GLI2: variants seen among roughly 807,000 people sequenced by gnomAD.
GLI2 encodes the protein transcription activator GLI2.
GLI2 carries 22 observed loss-of-function variants against 78.9 expected under a neutral mutation model. That is an observed-to-expected ratio of 0.28 (90% CI 0.20 to 0.40). The LOEUF is 0.40. Ranked by LOEUF, GLI2 falls within the 10% of genes least tolerant of loss-of-function variation. The pLI, the probability that GLI2 is intolerant of heterozygous loss-of-function variation, is 1.00. For synonymous variants in GLI2, 974 were observed against 963.7 expected (o/e 1.01, Z -0.20); for missense variants, 2,097 against 2,213.2 (o/e 0.95, Z 1.05).
chr2:120,775,638 G>A (rs138441890), intron 1 of GLI2, among the ~76,000 whole-genome samples: 125 of 152,322 alleles, frequency 8.2e-4, no homozygotes, highest in African/African-American at 2.7e-3. Flanking sequence ...GGTTTGCTTA[G>A]TTAGGGAATG....
Position 120,982,798 on chromosome 2 carries a change from T to TGTGTG in GLI2, c.1551_1555dup (p.Glu519GlyfsTer52). 6.2e-7 allele frequency: 1 copy of TGTGTG among 1,614,150 alleles called. No homozygotes were observed. The highest frequency in any genetic ancestry group is 8.5e-7 in the Non-Finnish European group (1 of 1,179,996). Reference sequence around the variant, plus strand: ...TCCCACACCGGGGAGAAGCCATATGTGTGTGAGCACGAGGGCTGCAACAAA... The same window carrying TGTGTG: ...TCCCACACCGGGGAGAAGCCATATGTGTGTGGTGTGAGCACGAGGGCTGCAACAAA... On this transcript the variant is annotated frameshift_variant, in exon 11 of 14. Coordinates refer to ENST00000361492, the MANE Select transcript of GLI2 (RefSeq NM_001374353.1). LOFTEE classifies it high-confidence loss of function.
intron 2 of GLI2, among the ~76,000 whole-genome samples, chr2:120,865,636 C>T (rs773367503): frequency 6.6e-6 from 1 of 152,228 alleles, no homozygotes; most frequent in Non-Finnish European, 1.5e-5. Context: ...GGACAAACCT[C>T]TGATCCCTTT....
chr2:120,789,537 G>A (rs142887226), intron 1 of GLI2, among the ~76,000 whole-genome samples: 7 of 152,286 alleles, frequency 4.6e-5, no homozygotes, highest in Admixed American at 3.9e-4. Flanking sequence ...ACCTCCTCAG[G>A]TAGCCCGCCC....
chr2:120,966,515 G>A (rs1488374819), intron 5 of GLI2, among the ~76,000 whole-genome samples: 1 of 151,798 alleles, frequency 6.6e-6, no homozygotes, highest in African/African-American at 2.4e-5. Context: ...GAAAGAGGCT[G>A]TTAGGAGAGA....
chr2:120,833,312 C>T (rs1433640369), intron 2 of GLI2, among the ~76,000 whole-genome samples: 1 of 151,888 alleles, frequency 6.6e-6, no homozygotes, highest in African/African-American at 2.4e-5. Context: ...GGGCTGTAAC[C>T]CCAGAAACAT....
In GLI2 at chr2:120,988,251, C is replaced by G. The variant is rs1316504739; in HGVS notation, c.2286C>G (p.Pro762=). ...ENFSGSGGGG[P]AGLLPNPRLS... The stretch of plus-strand genomic sequence containing the variant: ...TCAGTGGCAGTGGGGGCGGCGGGCC[C>G]GCGGGGCTGCTGCCGAACCCGCGGC... The change falls in exon 14 of 14, where the codon CCC becomes CCG. Residue 762 remains proline, a synonymous_variant. Transcript: ENST00000361492. 1 of 1,574,042 alleles carries G rather than the reference C, an allele frequency of 6.4e-7. No individual in the cohort carries two copies. The highest frequency in any genetic ancestry group is 1.2e-5 in the South Asian group (1 of 86,744).
intron 2 of GLI2, among the ~76,000 whole-genome samples, chr2:120,900,000 C>A (rs1034738528): frequency 6.6e-6 from 1 of 152,184 alleles, no homozygotes; most frequent in African/African-American, 2.4e-5. Flanking sequence ...GGAGGATTTG[C>A]GTCTCTAGCA....
At chr2:120,801,252 C>T (rs1684695636) in intron 2 of GLI2, among the ~76,000 whole-genome samples, 2 of 152,242 alleles carry the variant, frequency 1.3e-5, no homozygotes, top group African/African-American at 4.8e-5. Context: ...CATTCTCCTG[C>T]TTCAGCCTTC....
In GLI2 at chr2:120,893,347, C is replaced by A. The variant is rs553414965; in HGVS notation, c.149-34014C>A. ...GCCCGCCCCCCAGCCTCCCCTCCCC[C>A]ACCTGGGGTATGTGTGTGGCTCTGG... On this transcript the variant is annotated intron_variant, in intron 2 of 13. Transcript: ENST00000361492. Among the ~76,000 whole-genome samples the A allele has an allele frequency of 5.9e-5, 9 of 152,248 alleles. No homozygotes were observed. The South Asian group carries it at 1.5e-3, about 25-fold the overall frequency.
At chr2:120,898,948 T>C (rs1054297747) in intron 2 of GLI2, among the ~76,000 whole-genome samples, 9 of 152,116 alleles carry the variant, frequency 5.9e-5, no homozygotes, top group African/African-American at 1.9e-4. Context: ...AGCCAGGAGC[T>C]ATGGCAGTTG....
intron 1 of GLI2, among the ~76,000 whole-genome samples, chr2:120,761,860 C>G (rs946716718): frequency 6.6e-6 from 1 of 152,032 alleles, no homozygotes; most frequent in Non-Finnish European, 1.5e-5. Context: ...TCTGGGGAGG[C>G]AGTGATTGCT....
At chr2:120,884,709 G>T (rs2104726043) in intron 2 of GLI2, among the ~76,000 whole-genome samples, 1 of 152,326 alleles carries the variant, frequency 6.6e-6, no homozygotes, top group Non-Finnish European at 1.5e-5. Context: ...CCTAAGCTGA[G>T]TGACATTAGG....
chr2:120,881,990 T>A (rs1385351383), intron 2 of GLI2, among the ~76,000 whole-genome samples: 1 of 152,020 alleles, frequency 6.6e-6, no homozygotes, highest in East Asian at 1.9e-4. Context: ...TGGGATGGAA[T>A]GTCATAGGGG....
Position 120,799,667 on chromosome 2 carries a change from A to G in GLI2, c.148+2199A>G, listed in dbSNP as rs576684339. 2.6e-5 allele frequency among the ~76,000 whole-genome samples: 4 copies of G among 152,242 alleles called. No individual in the cohort carries two copies. The East Asian group carries it at 7.8e-4, about 30-fold the overall frequency. ...CCCAGTTTTCCTAATCTGTGTCGAG[A>G]GTGGATTTGACAGGTGTTGTCCACA... On this transcript the variant is annotated intron_variant, in intron 2 of 13. Transcript: ENST00000361492.
chr2:120,969,043 C>A, intron 6 of GLI2, 128 bp downstream of exon 6: 1 of 711,422 alleles, frequency 1.4e-6, no homozygotes. Context: ...ATTTGTGAAT[C>A]CACATACTTG....
Position 120,990,049 on chromosome 2 carries a change from C to T in GLI2, c.4084C>T (p.Pro1362Ser). Reference protein sequence around the residue: ...VQPRPPLEPSPTGRHRGVRAV... With the variant: ...VQPRPPLEPSSTGRHRGVRAV... ...GCCCCGGCCTCCCCTCGAGCCCAGC[C>T]CCACTGGCCGCCACCGTGGGGTACG... Residue 1362 changes from proline to serine, a missense_variant, in exon 14 of 14, where the codon CCC becomes TCC. Pro to Ser is a moderately conservative substitution (Grantham distance 74, BLOSUM62 -1). This residue lies in a region of GLI2 where 1,290 missense variants were observed against 1,261.7 expected (regional missense o/e 1.02). Transcript: ENST00000361492. The T allele has an allele frequency of 6.2e-7, 1 of 1,602,970 alleles. No individual in the cohort carries two copies. Among genetic ancestry groups the T allele is most frequent in the Non-Finnish European group, 8.5e-7 (1 of 1,173,874 alleles).
chr2:120,774,124 C>T lies in GLI2; in HGVS notation c.-30-23167C>T, dbSNP rs1453635501. Among the ~76,000 whole-genome samples the T allele has an allele frequency of 4.6e-5, 7 of 152,070 alleles. No homozygotes were observed. The East Asian group carries it at 9.6e-4, about 21-fold the overall frequency. The stretch of plus-strand genomic sequence containing the variant: ...AAGTGCATTGGAGGCAGTGTGGATG[C>T]GGCCGCCCTGCTGTCTGTCCAGATC... On this transcript the variant is annotated intron_variant, in intron 1 of 13. Coordinates refer to ENST00000361492, the MANE Select transcript of GLI2 (RefSeq NM_001374353.1).
At chr2:120,835,420 C>G (rs1211649148) in intron 2 of GLI2, among the ~76,000 whole-genome samples, 1 of 148,924 alleles carries the variant, frequency 6.7e-6, no homozygotes, top group Admixed American at 6.7e-5. Flanking sequence ...GAGTCTCGCT[C>G]TGTCACCCAG....
intron 2 of GLI2, among the ~76,000 whole-genome samples, chr2:120,810,775 T>A (rs1424184276): frequency 2.0e-5 from 3 of 152,206 alleles, no homozygotes; most frequent in African/African-American, 7.2e-5. Context: ...ACTCAGAAGT[T>A]CAGGGTTAGA....
Sources: gnomAD v4.1 joint callset for allele counts (sites outside exome capture counted in the v4.1 genomes callset) on GRCh38, gnomAD v4.1.1 for gene constraint, gnomAD v4.1.1 regional missense constraint, MANE v1.5 for transcripts, NCBI Gene and HGNC (gene_info 2026-07-23, HGNC 2026-07-21) for gene names.